Variants in RAB11FIP3 observed in about 807,000 individuals in gnomAD.
RAB11FIP3 encodes the protein RAB11 family interacting protein 3, also known as rab11 family-interacting protein 3.
A neutral mutation model predicts 77.8 loss-of-function variants in RAB11FIP3; 17 were observed. The observed-to-expected ratio is 0.22, with a 90% CI of 0.15 to 0.33. The LOEUF (loss-of-function observed/expected upper bound fraction) is 0.33, where lower values mean the gene tolerates loss of function less well. RAB11FIP3 is among the 10% of genes least tolerant of loss of function. RAB11FIP3 has a pLI of 1.00. For missense variants in RAB11FIP3, 1,005 were observed against 1,011.2 expected (o/e 0.99, Z 0.08); for synonymous variants, 437 against 448.2 (o/e 0.98, Z 0.31).
intron 5 of RAB11FIP3, among the ~76,000 whole-genome samples, chr16:492,414 C>CCAGAGCCCTCCCGGGAGACCCGAGGCCGT (rs1567392110): frequency 2.1e-5 from 2 of 97,072 alleles, no homozygotes; most frequent in African/African-American, 1.5e-4. Context: ...CCCGAGGCCG[C>CCAGAGCCCTCCCGGGAGACCCGAGGCCGT]CCAGGGCCCT....
intron 1 of RAB11FIP3, among the ~76,000 whole-genome samples, chr16:432,617 T>C (rs1198026176): frequency 1.4e-5 from 2 of 147,322 alleles, no homozygotes; most frequent in Non-Finnish European, 3.0e-5. Context: ...TGTGTGTGTG[T>C]GTGACAGGGT....
At chr16:508,587 C>T (rs759387447) in intron 8 of RAB11FIP3, among the ~76,000 whole-genome samples, 27 of 152,124 alleles carry the variant, frequency 1.8e-4, no homozygotes, top group African/African-American at 4.8e-4. Flanking sequence ...TTGGCCAGGC[C>T]GGTGTTGAAC....
intron 3 of RAB11FIP3, 119 bp from the exon 4 acceptor site, chr16:482,406 A>G (rs1351476399): frequency 2.2e-6 from 2 of 918,148 alleles, no homozygotes; most frequent in Non-Finnish European, 1.8e-6. Context: ...TTGGGACTTC[A>G]GGCGTCAGAC....
intron 9 of RAB11FIP3, among the ~76,000 whole-genome samples, chr16:512,923 C>A (rs1415220904): frequency 6.6e-6 from 1 of 151,076 alleles, no homozygotes; most frequent in Non-Finnish European, 1.5e-5. Flanking sequence ...CTCAAGCATT[C>A]CTCCCACCTC....
intron 11 of RAB11FIP3, 34 bp downstream of exon 11, chr16:519,925 C>A: frequency 6.5e-7 from 1 of 1,546,536 alleles, no homozygotes; most frequent in East Asian, 2.4e-5. Context: ...CCCAGTCCTG[C>A]GCCCAGCCTG....
At chr16:520,691 T>C (rs766237685) in intron 13 of RAB11FIP3, 35 bp from the exon 14 acceptor site, 3 of 1,611,954 alleles carry the variant, frequency 1.9e-6, no homozygotes, top group Admixed American at 1.7e-5. Flanking sequence ...CTGTGGCCCA[T>C]GCGCCTCAGC....
chr16:463,363 CTAAGGG>C (rs1233709095), intron 2 of RAB11FIP3, among the ~76,000 whole-genome samples: 1 of 151,074 alleles, frequency 6.6e-6, no homozygotes, highest in Non-Finnish European at 1.5e-5. Flanking sequence ...GACAGTGTCT[CTAAGGG>C]TTTTCTCAGA....
At chr16:508,840 A>C (rs569993043) in intron 8 of RAB11FIP3, among the ~76,000 whole-genome samples, 4 of 150,422 alleles carry the variant, frequency 2.7e-5, no homozygotes, top group Admixed American at 1.3e-4. Context: ...CTCGTCTCTA[A>C]TTTTATCTTT....
In RAB11FIP3 at chr16:514,645, G is replaced by A. The variant is rs1054240592; in HGVS notation, c.1640+3845G>A. Among the ~76,000 whole-genome samples, 38 of 152,330 alleles carry A rather than the reference G, an allele frequency of 2.5e-4. No individual in the cohort carries two copies. The highest frequency in any genetic ancestry group is 2.2e-3 in the Admixed American group (33 of 15,300). ...TGGGGCTGTACGAAGGTCACAGGCA[G>A]AGATCTGAATCTCAGGACACAGGGC... On this transcript the variant is annotated intron_variant, in intron 9 of 13. Transcript: ENST00000262305. The surrounding 1 kb of genome is among the most constrained non-coding windows in gnomAD (Gnocchi z 4.6).
At chr16:513,596 T>G (rs2032279987) in intron 9 of RAB11FIP3, among the ~76,000 whole-genome samples, 1 of 152,216 alleles carries the variant, frequency 6.6e-6, no homozygotes, top group Non-Finnish European at 1.5e-5. Flanking sequence ...TCACGTGGCT[T>G]TTTTAAACTG....
rs767700858 is a variant in RAB11FIP3, at chr16:426,349, C to T, written c.343C>T (p.Pro115Ser). ...APGPGPRSEA[P>S]LPELDPLFSW... ...GGGCCCAGGGCCGCGCTCCGAAGCG[C>T]CGCTTCCAGAACTCGACCCGTTGTT... The change falls in exon 1 of 14, where the codon CCG (proline) becomes TCG (serine). Residue 115 changes from proline (P) to serine (S), a missense_variant. Around this residue, in one of 4 missense-constraint regions of RAB11FIP3, gnomAD observed 466 missense variants for 408.3 expected, o/e 1.14. Transcript: ENST00000262305. The surrounding 1 kb of genome is among the most constrained non-coding windows in gnomAD (Gnocchi z 5.0). 5 of 1,513,580 alleles carry T rather than the reference C, an allele frequency of 3.3e-6. No homozygotes were observed. Among genetic ancestry groups the T allele is most frequent in the East Asian group, 5.5e-5 (2 of 36,610 alleles). 93.8% of individuals were successfully genotyped at this position (1,513,580 alleles called of 1,614,324 possible). A position where few individuals can be genotyped will look rare whatever the true frequency, so the allele number is the denominator to read the frequency against.
chr16:437,714 C>T (rs547100768), intron 1 of RAB11FIP3, among the ~76,000 whole-genome samples: 1 of 152,166 alleles, frequency 6.6e-6, no homozygotes, highest in Non-Finnish European at 1.5e-5. Context: ...TGTGCAGCCA[C>T]GAGCGCGCAA....
rs2032105382 is a variant in RAB11FIP3, at chr16:510,784, G to A, written c.1624G>A (p.Glu542Lys). Reference protein sequence around the residue: ...KMEREKSIEIENLQTRLQQLD... With the variant: ...KMEREKSIEIKNLQTRLQQLD... ...GGAGAGGGAGAAGAGCATTGAGATC[G>A]AGAACCTGCAGACCAGGTAGGCGGT... is the stretch of plus-strand genomic sequence containing the variant. Residue 542 changes from glutamate to lysine, a missense_variant, in exon 9 of 14, where the codon GAG becomes AAG. This residue lies in a region of RAB11FIP3 where 433 missense variants were observed against 436.1 expected (regional missense o/e 0.99). Coordinates refer to ENST00000262305, the MANE Select transcript of RAB11FIP3 (RefSeq NM_014700.4). The A allele has an allele frequency of 6.2e-7, 1 of 1,613,248 alleles. No individual in the cohort carries two copies. The highest frequency in any genetic ancestry group is 8.5e-7 in the Non-Finnish European group (1 of 1,179,754).
intron 1 of RAB11FIP3, among the ~76,000 whole-genome samples, chr16:436,663 G>T (rs2055133421): frequency 6.6e-6 from 1 of 152,032 alleles, no homozygotes; most frequent in African/African-American, 2.4e-5. Context: ...TGTGTTTTTT[G>T]TAGAGGCGAG....
intron 1 of RAB11FIP3, among the ~76,000 whole-genome samples, chr16:433,556 A>G (rs984740935): frequency 2.3e-4 from 35 of 151,576 alleles, no homozygotes; most frequent in Non-Finnish European, 8.8e-5. Flanking sequence ...ACGTGGCCAA[A>G]TAGTACTCCA....
intron 1 of RAB11FIP3, among the ~76,000 whole-genome samples, chr16:436,868 C>G (rs572102526): frequency 5.9e-5 from 9 of 152,150 alleles, no homozygotes; most frequent in Non-Finnish European, 1.2e-4. Flanking sequence ...GCGTAACCAT[C>G]TTGCTAGGCC....
intron 5 of RAB11FIP3, among the ~76,000 whole-genome samples, chr16:495,985 G>A (rs1347115336): frequency 1.3e-5 from 2 of 152,062 alleles, no homozygotes; most frequent in Non-Finnish European, 1.5e-5. Flanking sequence ...CCCGACCTCT[G>A]GAGATCCACC....
intron 6 of RAB11FIP3, chr16:497,268 A>G (rs954634810): frequency 3.8e-6 from 5 of 1,304,980 alleles, no homozygotes; most frequent in Admixed American, 4.6e-5. Context: ...TCCAATTCCT[A>G]AAGACCATTT....
At chr16:470,960 T>C (rs1195084171) in intron 2 of RAB11FIP3, among the ~76,000 whole-genome samples, 1 of 144,292 alleles carries the variant, frequency 6.9e-6, no homozygotes, top group Non-Finnish European at 1.5e-5. Flanking sequence ...GACAGTTTTA[T>C]GGAGCTCAAT....
Sources: allele counts gnomAD v4.1 joint callset (sites outside exome capture counted in the v4.1 genomes callset), GRCh38; gene constraint gnomAD v4.1.1; regional missense constraint gnomAD v4.1.1; non-coding constraint Gnocchi (gnomAD v3.1); transcripts MANE v1.5; gene names NCBI Gene and HGNC (gene_info 2026-07-23, HGNC 2026-07-21).